The following TBC1D32 variants were observed in gnomAD, a reference collection of about 807,000 sequenced individuals.
The protein encoded by TBC1D32 is TBC1 domain family member 32.
In TBC1D32, 151 loss-of-function variants were observed where a neutral mutation model predicts 170.3. The ratio of observed to expected loss-of-function variants is 0.89; its 90% CI spans 0.78 to 1.01. The LOEUF (loss-of-function observed/expected upper bound fraction) is 1.01. Ranked by LOEUF, TBC1D32 falls within the 50% of genes least tolerant of loss-of-function variation. The probability of loss-of-function intolerance (pLI) is 0.00; values close to 1 mark genes in which losing one functional copy is unlikely to be tolerated. For synonymous variants in TBC1D32, 498 were observed against 488.0 expected (o/e 1.02, Z -0.27); for missense variants, 1,464 against 1,457.1 (o/e 1.00, Z -0.08).
At chr6:121,126,283 A>C in intron 26 of TBC1D32, 95 bp downstream of exon 26, 1 of 873,608 alleles carries the variant, frequency 1.1e-6, no homozygotes, top group Non-Finnish European at 1.8e-6. Context: ...TGTTAGGATG[A>C]GAAAACTGCC....
chr6:121,234,354 C>T (rs533536722), intron 20 of TBC1D32, among the ~76,000 whole-genome samples: 5 of 152,224 alleles, frequency 3.3e-5, no homozygotes, highest in African/African-American at 1.2e-4. Context: ...ACCAATTATT[C>T]TTAGGCTCAG....
chr6:121,136,861 T>C (rs1301796864), intron 24 of TBC1D32, among the ~76,000 whole-genome samples: 2 of 152,170 alleles, frequency 1.3e-5, no homozygotes, highest in Admixed American at 6.5e-5. Flanking sequence ...ATGTGTATAA[T>C]TGAAGGTTAC....
intron 1 of TBC1D32, 30 bp downstream of exon 1, chr6:121,334,244 TTA>T: frequency 1.3e-6 from 2 of 1,599,510 alleles, no homozygotes; most frequent in Non-Finnish European, 1.7e-6. Flanking sequence ...GATCGATGGT[TTA>T]TAGGCTTAAA....
intron 24 of TBC1D32, among the ~76,000 whole-genome samples, chr6:121,141,249 G>A (rs553009477): frequency 4.6e-5 from 7 of 152,100 alleles, no homozygotes; most frequent in Non-Finnish European, 7.4e-5. Context: ...TAACTTCTCT[G>A]AAGAAGTGAC....
chr6:121,131,198 T>G (rs1781404666), intron 25 of TBC1D32, among the ~76,000 whole-genome samples: 1 of 151,980 alleles, frequency 6.6e-6, no homozygotes, highest in African/African-American at 2.4e-5. Context: ...GTTTGCTAAT[T>G]TAGAAAACAT....
Position 121,112,648 on chromosome 6 carries a change from C to G in TBC1D32, c.3181G>C (p.Gly1061Arg). 6.4e-7 allele frequency: 1 copy of G among 1,570,538 alleles called. No homozygotes were observed. The highest frequency in any genetic ancestry group is 8.6e-7 in the Non-Finnish European group (1 of 1,161,404). The change falls in exon 29 of 32, where the codon GGG becomes CGG. Residue 1061 changes from glycine to arginine, a missense_variant. Transcript: ENST00000398212. ...SIKSSLLCLQ[G>R]NYAGHDWFVS... is the part of the protein sequence containing the mutation. ...AACCAGTCATGGCCAGCATAATTCCCTTGCAGGCAGACTGAAAAACACAGT... is the reference window on the plus strand; with the variant it reads ...AACCAGTCATGGCCAGCATAATTCCGTTGCAGGCAGACTGAAAAACACAGT...
chr6:121,321,657 G>A lies in TBC1D32; in HGVS notation c.293C>T (p.Thr98Ile). The A allele has an allele frequency of 6.2e-7, 1 of 1,612,752 alleles. No individual in the cohort carries two copies. Among genetic ancestry groups the A allele is most frequent in the Non-Finnish European group, 8.5e-7 (1 of 1,179,578 alleles). ...CTCTTTAGATTCTTGAGTTCTTTTAGTGACCTGCTGTACAACTGTATCATA... is the reference window on the plus strand; with the variant it reads ...CTCTTTAGATTCTTGAGTTCTTTTAATGACCTGCTGTACAACTGTATCATA... The part of the protein sequence containing the change: ...CGYDTVVQQV[T>I]KRTQESKEYK... Residue 98 changes from threonine (T) to isoleucine (I), a missense_variant, in exon 2 of 32, where the codon ACT becomes ATT. Physicochemically the swap from Thr to Ile is moderately conservative, Grantham distance 89 (BLOSUM62 -1). Transcript: ENST00000398212.
chr6:121,238,749 T>C (rs1796611629), intron 20 of TBC1D32, among the ~76,000 whole-genome samples: 1 of 152,088 alleles, frequency 6.6e-6, no homozygotes, highest in Non-Finnish European at 1.5e-5. Flanking sequence ...GTTGGTTGGT[T>C]GGTTTTTCTT....
chr6:121,253,536 G>A (rs1267308061), intron 17 of TBC1D32, among the ~76,000 whole-genome samples: 11 of 152,094 alleles, frequency 7.2e-5, no homozygotes, highest in African/African-American at 2.7e-4. Context: ...GGCTAACATG[G>A]TGAAACCCCG....
chr6:121,246,161 A>G (rs1314235549), intron 17 of TBC1D32, among the ~76,000 whole-genome samples: 1 of 152,140 alleles, frequency 6.6e-6, no homozygotes, highest in Admixed American at 6.6e-5. Flanking sequence ...GAATGAGATA[A>G]GCCTCAGGAG....
intron 30 of TBC1D32, among the ~76,000 whole-genome samples, chr6:121,091,671 C>A (rs12527994): frequency 0.27 from 41,144 of 151,896 alleles, 8,466 homozygotes; most frequent in African/African-American, 0.57. Flanking sequence ...AGGAAAGTTT[C>A]AGAAAAAACA....
chr6:121,242,587 G>A (rs1797120186), intron 17 of TBC1D32, among the ~76,000 whole-genome samples: 1 of 151,888 alleles, frequency 6.6e-6, no homozygotes, highest in Admixed American at 6.6e-5. Context: ...AACTGCATAT[G>A]TCAGCATTTT....
intron 30 of TBC1D32, 119 bp downstream of exon 30, chr6:121,105,904 G>A (rs935671560): frequency 1.7e-6 from 2 of 1,150,956 alleles, no homozygotes; most frequent in African/African-American, 3.1e-5. Flanking sequence ...AAGCTAGCTT[G>A]AGGATTTTAA....
chr6:121,130,567 T>G (rs1781333562), intron 25 of TBC1D32, among the ~76,000 whole-genome samples: 1 of 152,110 alleles, frequency 6.6e-6, no homozygotes, highest in Non-Finnish European at 1.5e-5. Flanking sequence ...GAACACAGTT[T>G]TAATGGTAAT....
intron 22 of TBC1D32, among the ~76,000 whole-genome samples, chr6:121,202,995 A>C (rs751224442): frequency 1.5e-4 from 22 of 151,416 alleles, no homozygotes; most frequent in Non-Finnish European, 1.9e-4. Context: ...CAAATGGAAC[A>C]AGCAATGAAA....
At chr6:121,193,728 T>C (rs1790367309) in intron 22 of TBC1D32, among the ~76,000 whole-genome samples, 1 of 152,200 alleles carries the variant, frequency 6.6e-6, no homozygotes, top group Non-Finnish European at 1.5e-5. Context: ...AGAAGTGAAA[T>C]TGTCGGGAAG....
chr6:121,102,086 A>C (rs1242762964), intron 30 of TBC1D32, among the ~76,000 whole-genome samples: 1 of 152,150 alleles, frequency 6.6e-6, no homozygotes. Context: ...ACGAAATAAA[A>C]GAGAATACAA....
chr6:121,331,808 C>T (rs73528525), intron 1 of TBC1D32, among the ~76,000 whole-genome samples: 5,535 of 152,202 alleles, frequency 0.036, 279 homozygotes, highest in African/African-American at 0.11. Context: ...AGTTAAGCAG[C>T]TCCTCTTTTC....
intron 10 of TBC1D32, among the ~76,000 whole-genome samples, chr6:121,297,907 G>A (rs1805904764): frequency 6.6e-6 from 1 of 152,056 alleles, no homozygotes; most frequent in African/African-American, 2.4e-5. Flanking sequence ...GAGCACTGAT[G>A]AGAAGCTAGA....
Sources: gnomAD v4.1 joint callset for allele counts (sites outside exome capture counted in the v4.1 genomes callset) on GRCh38, gnomAD v4.1.1 for gene constraint, MANE v1.5 for transcripts, NCBI Gene and HGNC (gene_info 2026-07-23, HGNC 2026-07-21) for gene names.